BLOC1S6: variants seen among roughly 807,000 people sequenced by gnomAD.
The protein encoded by BLOC1S6 is biogenesis of lysosome-related organelles complex 1 subunit 6.
In BLOC1S6, 24 loss-of-function variants were observed where a neutral mutation model predicts 24.7. That is an observed-to-expected ratio of 0.97 (90% CI 0.70 to 1.37). The LOEUF is 1.37. Among genes scored for constraint, BLOC1S6 ranks in the 40% most tolerant of loss-of-function variants. The pLI is 0.00. For missense variants in BLOC1S6, 175 were observed against 196.2 expected (o/e 0.89, Z 0.64); for synonymous variants, 76 against 72.6 (o/e 1.05, Z -0.23).
intron 4 of BLOC1S6, 59 bp downstream of exon 4, chr15:45,605,573 G>GTTTTTTTTTTT: frequency 3.6e-6 from 3 of 824,820 alleles, no homozygotes; most frequent in East Asian, 3.4e-5. Context: ...GTTTTTTGTT[G>GTTTTTTTTTTT]TTTTTTTTTT....
chr15:45,593,685 T>C (rs556390053), intron 2 of BLOC1S6, among the ~76,000 whole-genome samples: 72 of 152,276 alleles, frequency 4.7e-4, no homozygotes, highest in African/African-American at 1.7e-3. Context: ...TTGTCTAAAA[T>C]TTAGTGTTTC....
intron 2 of BLOC1S6, among the ~76,000 whole-genome samples, chr15:45,593,217 T>C (rs1440783052): frequency 6.6e-6 from 1 of 151,444 alleles, no homozygotes; most frequent in Non-Finnish European, 1.5e-5. Context: ...AAACCCTGTC[T>C]CTACTAAAAA....
intron 2 of BLOC1S6, among the ~76,000 whole-genome samples, chr15:45,602,538 G>A (rs912224323): frequency 7.9e-5 from 12 of 152,210 alleles, no homozygotes; most frequent in Admixed American, 7.9e-4. Flanking sequence ...CTTTGTAAAT[G>A]AGGAGATTTA....
intron 2 of BLOC1S6, among the ~76,000 whole-genome samples, chr15:45,593,370 G>C (rs1236986887): frequency 7.3e-6 from 1 of 136,876 alleles, no homozygotes; most frequent in African/African-American, 2.8e-5. Flanking sequence ...AGGTGACAGA[G>C]TGAGACTCTG....
chr15:45,600,657 C>T (rs1287081279), intron 2 of BLOC1S6, among the ~76,000 whole-genome samples: 6 of 152,210 alleles, frequency 3.9e-5, no homozygotes, highest in African/African-American at 7.2e-5. Flanking sequence ...AGAAATTTTA[C>T]TTGGTTGTGG....
At chr15:45,604,824 A>AT (rs1894393831) in intron 3 of BLOC1S6, among the ~76,000 whole-genome samples, 1 of 152,186 alleles carries the variant, frequency 6.6e-6, no homozygotes, top group Non-Finnish European at 1.5e-5. Context: ...TTCTCCTGAC[A>AT]TAAGACTTCA....
chr15:45,594,786 T>C (rs989250430), intron 2 of BLOC1S6, among the ~76,000 whole-genome samples: 1 of 152,118 alleles, frequency 6.6e-6, no homozygotes, highest in African/African-American at 2.4e-5. Context: ...GGTTTCACCA[T>C]GTTGGCCAGG....
At position 45,606,577 on chromosome 15, in the gene BLOC1S6, G is replaced by C; in HGVS notation, c.*63G>C. The C allele has an allele frequency of 6.2e-7, 1 of 1,609,880 alleles. No individual in the cohort carries two copies. The highest frequency in any genetic ancestry group is 8.5e-7 in the Non-Finnish European group (1 of 1,176,444). ...TTTGGGTTATGATGACTCAAGTGTA[G>C]ACTGAAGTTGAGGTAGTGCCTTATG... On this transcript the variant is annotated 3_prime_UTR_variant, in exon 5 of 5. Coordinates refer to ENST00000220531, the MANE Select transcript of BLOC1S6 (RefSeq NM_012388.4).
At chr15:45,605,641 G>A in intron 4 of BLOC1S6, 127 bp downstream of exon 4, 2 of 704,994 alleles carry the variant, frequency 2.8e-6, no homozygotes, top group South Asian at 1.7e-5. Context: ...CCAGGCTGGA[G>A]TGCAATGGTG....
chr15:45,603,627 T>C (rs1392087866), intron 3 of BLOC1S6, among the ~76,000 whole-genome samples: 2 of 152,166 alleles, frequency 1.3e-5, no homozygotes, highest in East Asian at 3.9e-4. Flanking sequence ...GGTGGAAGGA[T>C]TGCTTGAGCC....
chr15:45,601,328 A>T (rs1447923688), intron 2 of BLOC1S6: 1 of 154,382 alleles, frequency 6.5e-6, no homozygotes, highest in Non-Finnish European at 1.5e-5. Context: ...ACTGTGGGGA[A>T]TTGGTATCAC....
At chr15:45,597,600 A>G (rs1036249933) in intron 2 of BLOC1S6, among the ~76,000 whole-genome samples, 1 of 152,194 alleles carries the variant, frequency 6.6e-6, no homozygotes, top group African/African-American at 2.4e-5. Flanking sequence ...ATATTTTGTT[A>G]TATTTGTACC....
At chr15:45,594,935 G>A (rs1401789923) in intron 2 of BLOC1S6, among the ~76,000 whole-genome samples, 1 of 152,080 alleles carries the variant, frequency 6.6e-6, no homozygotes, top group Non-Finnish European at 1.5e-5. Context: ...GGTCAGGAAA[G>A]CACTGTACTT....
intron 2 of BLOC1S6, chr15:45,602,477 A>G: frequency 1.8e-6 from 1 of 547,544 alleles, no homozygotes; most frequent in Non-Finnish European, 3.3e-6. Context: ...ATGAGTTTTG[A>G]ATTAGAATTG....
chr15:45,605,581 T>A, intron 4 of BLOC1S6, 67 bp downstream of exon 4: 2 of 1,278,670 alleles, frequency 1.6e-6, no homozygotes, highest in Non-Finnish European at 1.1e-6. Flanking sequence ...TTGTTTTTTT[T>A]TTTTTTCAGT....
chr15:45,606,778 G>A lies in BLOC1S6; in HGVS notation c.*264G>A. Reference sequence around the variant, plus strand: ...TGAATTATTTATAAACTGGAAAGTGGTTTGATTATTGTGAGTCAAAACTCT... The same window carrying A: ...TGAATTATTTATAAACTGGAAAGTGATTTGATTATTGTGAGTCAAAACTCT... On this transcript the variant is annotated 3_prime_UTR_variant, in exon 5 of 5. Transcript: ENST00000220531. 3 of 443,046 alleles carry A rather than the reference G, an allele frequency of 6.8e-6. No individual in the cohort carries two copies. The highest frequency in any genetic ancestry group is 1.2e-5 in the Non-Finnish European group (3 of 250,818). The allele number at this position is 443,046 out of a possible 1,614,324, so 27.4% of individuals were successfully genotyped here. A position where few individuals can be genotyped will look rare whatever the true frequency, so the allele number is the denominator to read the frequency against.
intron 1 of BLOC1S6, 197 bp from the exon 2 acceptor site, chr15:45,591,938 T>G: frequency 1.7e-6 from 1 of 597,434 alleles, no homozygotes; most frequent in Non-Finnish European, 2.9e-6. Context: ...TTCTACCTGC[T>G]ACTCCCCAAC....
chr15:45,587,473 C>T lies in BLOC1S6; in HGVS notation c.30C>T (p.Asp10=). 6.3e-7 allele frequency: 1 copy of T among 1,583,680 alleles called. No homozygotes were observed. The highest frequency in any genetic ancestry group is 8.6e-7 in the Non-Finnish European group (1 of 1,164,426). Residue 10 remains aspartate, a synonymous_variant, in exon 1 of 5, where the codon GAC becomes GAT. Coordinates refer to ENST00000220531, the MANE Select transcript of BLOC1S6 (RefSeq NM_012388.4). Reference sequence around the variant, plus strand: ...GTGTCCCTGGGCCGTCGTCTCCGGACGGGGCCCTGACACGGCCACCCTACT... The same window carrying T: ...GTGTCCCTGGGCCGTCGTCTCCGGATGGGGCCCTGACACGGCCACCCTACT... MSVPGPSSP[D]GALTRPPYCL...
At chr15:45,605,727 T>C (rs148983557) in intron 4 of BLOC1S6, 84 of 464,830 alleles carry the variant, frequency 1.8e-4, no homozygotes, top group African/African-American at 1.6e-3. Context: ...GTAGCTGGGA[T>C]TACAGGTGCC....
Sources: allele counts gnomAD v4.1 joint callset (sites outside exome capture counted in the v4.1 genomes callset), GRCh38; gene constraint gnomAD v4.1.1; transcripts MANE v1.5; gene names NCBI Gene and HGNC (gene_info 2026-07-23, HGNC 2026-07-21).